The following DTNA variants were observed in gnomAD, a reference collection of about 807,000 sequenced individuals.
DTNA encodes dystrophin-related protein 3.
A neutral mutation model predicts 100.7 loss-of-function variants in DTNA; 43 were observed. That is an observed-to-expected ratio of 0.43 (90% CI 0.33 to 0.55). The LOEUF (loss-of-function observed/expected upper bound fraction) is 0.55, where lower values mean the gene tolerates loss of function less well. DTNA is among the 20% of genes least tolerant of loss of function. The probability of loss-of-function intolerance (pLI) is 0.04; values close to 1 mark genes in which losing one functional copy is unlikely to be tolerated. For missense variants in DTNA, 798 were observed against 953.9 expected, an observed-to-expected ratio of 0.84 and a Z score of 2.15; for synonymous variants, 349 against 347.9, an observed-to-expected ratio of 1.00 and a Z score of -0.04.
chr18:34,828,908 T>A lies in DTNA; in HGVS notation c.1086-492T>A, dbSNP rs1461981192. 6 of 984,962 alleles carry A rather than the reference T, an allele frequency of 6.1e-6. No homozygotes were observed. In the Admixed American group the frequency reaches 9.1e-5, roughly 15 times the overall value. The allele number at this position is 984,962 out of a possible 1,614,324, so 61.0% of individuals were successfully genotyped here. On this transcript the variant is annotated intron_variant, in intron 10 of 22. Transcript: ENST00000444659. ...CTGTAAAATCTGTAAAAGACACAGG[T>A]CTGTGCATCTATCTAGGGAAGACCT... is the stretch of plus-strand genomic sequence containing the variant.
intron 1 of DTNA, among the ~76,000 whole-genome samples, chr18:34,567,654 G>T (rs1408875006): frequency 1.3e-5 from 2 of 152,034 alleles, no homozygotes; most frequent in East Asian, 3.9e-4. Context: ...TTTTGTCTTA[G>T]GGTTAAACCA....
chr18:34,743,326 A>G (rs922796039), intron 1 of DTNA, among the ~76,000 whole-genome samples: 23 of 152,134 alleles, frequency 1.5e-4, no homozygotes, highest in African/African-American at 5.3e-4. Flanking sequence ...TAGTTTTGGC[A>G]TCTATGTTCA....
In DTNA at chr18:34,669,287, T is replaced by C. The variant is rs371274369; in HGVS notation, c.-1-86689T>C. Among the ~76,000 whole-genome samples the C allele has an allele frequency of 6.0e-4, 92 of 152,322 alleles. No homozygotes were observed. The East Asian group carries it at 0.014, about 23-fold the overall frequency. On this transcript the variant is annotated intron_variant, in intron 1 of 19. Transcript: ENST00000283365. Reference sequence around the variant, plus strand: ...TGTTTTCCATTTGCTTGGTAGATCTTCCTCCGTCCCTTTATTTTGAGCCTA... The same window carrying C: ...TGTTTTCCATTTGCTTGGTAGATCTCCCTCCGTCCCTTTATTTTGAGCCTA...
chr18:34,586,813 G>C (rs1310600340), intron 1 of DTNA, among the ~76,000 whole-genome samples: 1 of 152,122 alleles, frequency 6.6e-6, no homozygotes, highest in Non-Finnish European at 1.5e-5. Flanking sequence ...ATCCAATAGA[G>C]GTGGTCCTCT....
chr18:34,821,535 T>C (rs1162390913), intron 9 of DTNA: 1 of 456,294 alleles, frequency 2.2e-6, no homozygotes, highest in Non-Finnish European at 4.4e-6. Context: ...CCATCCCTGC[T>C]ACCTCCCAGA....
chr18:34,848,871 A>G (rs1178114303), intron 14 of DTNA, among the ~76,000 whole-genome samples: 1 of 152,212 alleles, frequency 6.6e-6, no homozygotes, highest in Non-Finnish European at 1.5e-5. Context: ...ATCTGTGCTG[A>G]CTAAGGGTGA....
chr18:34,647,653 T>C (rs1043935610), intron 1 of DTNA, among the ~76,000 whole-genome samples: 1 of 152,204 alleles, frequency 6.6e-6, no homozygotes. Flanking sequence ...TAGGGCTACC[T>C]CTGTCACTAA....
intron 17 of DTNA, chr18:34,868,184 T>C (rs980906045): frequency 3.1e-5 from 12 of 381,618 alleles, no homozygotes; most frequent in Non-Finnish European, 4.3e-5. Flanking sequence ...AAATTATCGG[T>C]GGTTTTATCA....
chr18:34,737,432 A>G (rs2089832108), intron 1 of DTNA, among the ~76,000 whole-genome samples: 1 of 152,196 alleles, frequency 6.6e-6, no homozygotes, highest in Non-Finnish European at 1.5e-5. Flanking sequence ...ATTTGAAGCC[A>G]TAAGGCTACA....
chr18:34,530,466 C>A (rs188621879), intron 1 of DTNA, among the ~76,000 whole-genome samples: 1 of 152,142 alleles, frequency 6.6e-6, no homozygotes, highest in African/African-American at 2.4e-5. Context: ...CTCCAAATCA[C>A]TTTTAGTCTC....
intron 10 of DTNA, 29 bp from the exon 11 acceptor site, chr18:34,829,371 A>T: frequency 6.5e-7 from 1 of 1,534,884 alleles, no homozygotes; most frequent in Non-Finnish European, 8.7e-7. Flanking sequence ...GGGAAGTTTT[A>T]ATGAGGTCTC....
intron 9 of DTNA, among the ~76,000 whole-genome samples, chr18:34,824,217 T>C (rs937849852): frequency 1.3e-5 from 2 of 152,212 alleles, no homozygotes; most frequent in African/African-American, 4.8e-5. Context: ...GGCTCACGCC[T>C]GTAATCCCAG....
At position 34,520,513 on chromosome 18, in the gene DTNA, G is replaced by A. The variant is rs149813446; in HGVS notation, c.-2+26999G>A. On this transcript the variant is annotated intron_variant, in intron 1 of 19. Transcript: ENST00000283365. ...CCAAAAATACAAAAAAATTATCTGG[G>A]CATGGTGGCACATGCCTGTAATTCC... Among the ~76,000 whole-genome samples, 770 of 152,138 alleles carry A rather than the reference G, an allele frequency of 5.1e-3. 9 individuals are homozygous for A. Among genetic ancestry groups the A allele is most frequent in the African/African-American group, 0.017 (723 of 41,540 alleles).
intron 1 of DTNA, among the ~76,000 whole-genome samples, chr18:34,609,115 C>T (rs985115473): frequency 6.6e-6 from 1 of 152,122 alleles, no homozygotes; most frequent in African/African-American, 2.4e-5. Flanking sequence ...GGAGCTAAGC[C>T]CACACAATTC....
At chr18:34,532,261 G>A (rs1294549406) in intron 1 of DTNA, among the ~76,000 whole-genome samples, 6 of 152,120 alleles carry the variant, frequency 3.9e-5, no homozygotes, top group Non-Finnish European at 7.4e-5. Context: ...CTGTAGAGGT[G>A]GGAGCATTTA....
chr18:34,530,006 A>G (rs192132494), intron 1 of DTNA, among the ~76,000 whole-genome samples: 7 of 152,262 alleles, frequency 4.6e-5, no homozygotes, highest in African/African-American at 1.4e-4. Context: ...TAGATATGAT[A>G]GTGTGTACCT....
chr18:34,676,787 G>A (rs1457462102), intron 1 of DTNA, among the ~76,000 whole-genome samples: 14 of 152,166 alleles, frequency 9.2e-5, no homozygotes, highest in Admixed American at 8.5e-4. Flanking sequence ...AGTGAGCCAC[G>A]ATCATGCCAC....
At chr18:34,552,292 A>T (rs1023404209) in intron 1 of DTNA, among the ~76,000 whole-genome samples, 3 of 152,100 alleles carry the variant, frequency 2.0e-5, no homozygotes, top group African/African-American at 4.8e-5. Flanking sequence ...TTTCATAAAG[A>T]AATACAAAAA....
intron 1 of DTNA, among the ~76,000 whole-genome samples, chr18:34,647,592 C>G (rs1568113867): frequency 6.6e-6 from 1 of 152,142 alleles, no homozygotes; most frequent in East Asian, 1.9e-4. Flanking sequence ...ACCTACCGTT[C>G]CATATGTTCC....
Sources: allele counts gnomAD v4.1 joint callset (sites outside exome capture counted in the v4.1 genomes callset), GRCh38; gene constraint gnomAD v4.1.1; transcripts MANE v1.5; gene names NCBI Gene and HGNC (gene_info 2026-07-23, HGNC 2026-07-21).